The following RASGRF2 variants were observed in gnomAD, a reference collection of about 807,000 sequenced individuals.
The protein encoded by RASGRF2 is Ras protein specific guanine nucleotide releasing factor 2.
Under a neutral mutation model 151.0 loss-of-function variants are expected in RASGRF2, and 76 were observed. The observed-to-expected ratio is 0.50, with a 90% CI of 0.42 to 0.61. The LOEUF is 0.61. Ranked by LOEUF, RASGRF2 falls within the 20% of genes least tolerant of loss-of-function variation. The probability of loss-of-function intolerance (pLI) is 0.00; values close to 1 mark genes in which losing one functional copy is unlikely to be tolerated. For synonymous variants in RASGRF2, 504 were observed against 566.5 expected (o/e 0.89, Z 1.57); for missense variants, 1,148 against 1,564.6 (o/e 0.73, Z 4.49).
chr5:81,057,551 A>C (rs1040432528), intron 2 of RASGRF2, among the ~76,000 whole-genome samples: 2 of 152,048 alleles, frequency 1.3e-5, no homozygotes, highest in African/African-American at 4.8e-5. Flanking sequence ...TTATTTGTTC[A>C]TTTATGATTG....
At chr5:81,119,396 T>C (rs1753244574) in intron 15 of RASGRF2, among the ~76,000 whole-genome samples, 1 of 152,272 alleles carries the variant, frequency 6.6e-6, no homozygotes, top group South Asian at 2.1e-4. Context: ...AAACTCATTC[T>C]ATTCCCAAGA....
intron 1 of RASGRF2, among the ~76,000 whole-genome samples, chr5:81,040,389 C>A (rs1231572078): frequency 6.6e-6 from 1 of 152,168 alleles, no homozygotes; most frequent in Non-Finnish European, 1.5e-5. Context: ...GAATAAGATA[C>A]TTTATAATGT....
intron 17 of RASGRF2, among the ~76,000 whole-genome samples, chr5:81,139,732 A>G (rs1340508786): frequency 1.3e-5 from 2 of 152,200 alleles, no homozygotes; most frequent in Non-Finnish European, 2.9e-5. Context: ...AGTAATAAAT[A>G]TAATGATATA....
intron 1 of RASGRF2, among the ~76,000 whole-genome samples, chr5:80,981,398 G>A (rs753985170): frequency 6.6e-6 from 1 of 152,162 alleles, no homozygotes; most frequent in Non-Finnish European, 1.5e-5. Flanking sequence ...GAACCTTAAA[G>A]AGTGTTCTCA....
At chr5:80,981,074 A>G (rs1748283411) in intron 1 of RASGRF2, among the ~76,000 whole-genome samples, 1 of 152,226 alleles carries the variant, frequency 6.6e-6, no homozygotes, top group African/African-American at 2.4e-5. Flanking sequence ...AGAGCTGCGT[A>G]TGTATTGATT....
chr5:81,045,512 A>G (rs1447268299), intron 2 of RASGRF2, among the ~76,000 whole-genome samples: 1 of 152,238 alleles, frequency 6.6e-6, no homozygotes, highest in Non-Finnish European at 1.5e-5. Context: ...TGATGTTGTC[A>G]GGAGACAGAC....
At chr5:81,106,471 G>GA (rs1752850451) in intron 12 of RASGRF2, among the ~76,000 whole-genome samples, 1 of 152,104 alleles carries the variant, frequency 6.6e-6, no homozygotes, top group Non-Finnish European at 1.5e-5. Flanking sequence ...AACCCTCAGT[G>GA]GCTTCCCATC....
intron 17 of RASGRF2, among the ~76,000 whole-genome samples, chr5:81,152,688 CA>C (rs1754165127): frequency 1.3e-5 from 2 of 152,164 alleles, no homozygotes; most frequent in Admixed American, 1.3e-4. Flanking sequence ...ACAAAATTAT[CA>C]AAACCAACCA....
intron 1 of RASGRF2, among the ~76,000 whole-genome samples, chr5:80,971,050 T>C (rs752056671): frequency 6.6e-6 from 1 of 152,246 alleles, no homozygotes; most frequent in Non-Finnish European, 1.5e-5. Context: ...TTTACAATTG[T>C]TCTTGTAACA....
intron 14 of RASGRF2, 151 bp from the exon 15 acceptor site, chr5:81,113,387 T>G (rs1580327632): frequency 8.0e-6 from 7 of 876,132 alleles, no homozygotes; most frequent in Admixed American, 2.8e-5. Context: ...AGGTGGAGGG[T>G]ATACATGTAG....
chr5:81,223,822 A>G (rs895715286), intron 26 of RASGRF2, among the ~76,000 whole-genome samples: 3 of 152,172 alleles, frequency 2.0e-5, no homozygotes, highest in Admixed American at 2.0e-4. Context: ...TTGGCTCTCC[A>G]TCTTACCATT....
intron 21 of RASGRF2, 127 bp from the exon 22 acceptor site, chr5:81,208,227 A>G: frequency 1.5e-6 from 1 of 664,284 alleles, no homozygotes; most frequent in South Asian, 2.2e-5. Flanking sequence ...TGGCAGCAGC[A>G]GGTGTCAGGA....
At chr5:81,063,066 C>T (rs998179218) in intron 2 of RASGRF2, among the ~76,000 whole-genome samples, 7 of 151,462 alleles carry the variant, frequency 4.6e-5, no homozygotes, top group Non-Finnish European at 8.8e-5. Context: ...CAGCATGATT[C>T]TCACTTCCTT....
At chr5:80,962,823 A>G (rs1747607078) in intron 1 of RASGRF2, among the ~76,000 whole-genome samples, 2 of 152,256 alleles carry the variant, frequency 1.3e-5, no homozygotes, top group South Asian at 4.1e-4. Context: ...GTTGTCCTAA[A>G]TAGGCCATCT....
At chr5:81,031,544 T>C (rs970767111) in intron 1 of RASGRF2, among the ~76,000 whole-genome samples, 18 of 152,184 alleles carry the variant, frequency 1.2e-4, no homozygotes, top group African/African-American at 4.1e-4. Context: ...TGCTCCTGAA[T>C]GACTACTGGG....
chr5:80,963,416 T>G (rs146454048), intron 1 of RASGRF2, among the ~76,000 whole-genome samples: 2 of 152,264 alleles, frequency 1.3e-5, no homozygotes, highest in African/African-American at 4.8e-5. Flanking sequence ...CCGTGTTATT[T>G]CTTTAAGCAC....
intron 26 of RASGRF2, among the ~76,000 whole-genome samples, chr5:81,225,239 G>A (rs1755946823): frequency 6.6e-6 from 1 of 152,116 alleles, no homozygotes; most frequent in Non-Finnish European, 1.5e-5. Context: ...TATTAAATAA[G>A]CTCCAATATA....
chr5:80,998,618 A>G (rs568451140), intron 1 of RASGRF2, among the ~76,000 whole-genome samples: 2 of 152,268 alleles, frequency 1.3e-5, no homozygotes, highest in South Asian at 2.1e-4. Flanking sequence ...ACTTTCTTTT[A>G]CATTTTCCCC....
chr5:81,070,377 A>C, intron 3 of RASGRF2, 115 bp from the exon 4 acceptor site: 1 of 783,686 alleles, frequency 1.3e-6, no homozygotes, highest in South Asian at 1.5e-5. Flanking sequence ...TGTGCATAAA[A>C]AGTGGGTGTT....
Sources: gnomAD v4.1 joint callset for allele counts (sites outside exome capture counted in the v4.1 genomes callset) on GRCh38, gnomAD v4.1.1 for gene constraint, MANE v1.5 for transcripts, NCBI Gene and HGNC (gene_info 2026-07-23, HGNC 2026-07-21) for gene names.